The following TMEM255B variants were observed in gnomAD, a reference collection of about 807,000 sequenced individuals.
TMEM255B encodes the protein family with sequence similarity 70, member B.
TMEM255B carries 35 observed loss-of-function variants against 34.5 expected under a neutral mutation model. The ratio of observed to expected loss-of-function variants is 1.01; its 90% CI spans 0.77 to 1.34. The LOEUF is 1.34. Ranked by LOEUF, TMEM255B falls within the 40% of genes most tolerant of loss-of-function variation. TMEM255B has a pLI of 0.00. For synonymous variants in TMEM255B, 206 were observed against 201.2 expected, an observed-to-expected ratio of 1.02 and a Z score of -0.20; for missense variants, 432 against 433.2, an observed-to-expected ratio of 1.00 and a Z score of 0.02.
intron 3 of TMEM255B, among the ~76,000 whole-genome samples, chr13:113,784,507 C>CAGAGAG (rs1003761208): frequency 1.4e-5 from 2 of 146,760 alleles, no homozygotes; most frequent in Non-Finnish European, 3.0e-5. Flanking sequence ...GTGAGGAAGA[C>CAGAGAG]AGAGAGAGAG....
intron 1 of TMEM255B, among the ~76,000 whole-genome samples, chr13:113,761,548 A>G (rs982576425): frequency 6.6e-6 from 1 of 152,164 alleles, no homozygotes; most frequent in Non-Finnish European, 1.5e-5. Context: ...GATAGCAGAG[A>G]GGTAGCTGTT....
intron 2 of TMEM255B, 107 bp from the exon 3 acceptor site, chr13:113,768,991 C>T: frequency 7.8e-7 from 1 of 1,281,698 alleles, no homozygotes; most frequent in Admixed American, 1.9e-5. Context: ...TGGCCTTCGT[C>T]CCTGGATAAA....
intron 1 of TMEM255B, chr13:113,761,359 C>T (rs1566716981): frequency 2.0e-6 from 2 of 985,128 alleles, no homozygotes; most frequent in South Asian, 4.7e-5. Flanking sequence ...TAGGACCTGG[C>T]GTGGGCACAG....
At chr13:113,793,592 G>T (rs1299354966) in intron 3 of TMEM255B, among the ~76,000 whole-genome samples, 9 of 152,182 alleles carry the variant, frequency 5.9e-5, no homozygotes, top group African/African-American at 2.2e-4. Flanking sequence ...CCGGCCCGCT[G>T]CCCCAGCCCT....
At chr13:113,799,809 TC>T in intron 5 of TMEM255B, 1 of 640,422 alleles carries the variant, frequency 1.6e-6, no homozygotes, top group South Asian at 1.5e-5. Context: ...ACCTCATTTC[TC>T]TTTCCAGGTG....
Position 113,795,211 on chromosome 13 carries a change from G to C in TMEM255B, c.316G>C (p.Asp106His). The C allele has an allele frequency of 6.2e-7, 1 of 1,613,884 alleles. No homozygotes were observed. Among genetic ancestry groups the C allele is most frequent in the Non-Finnish European group, 8.5e-7 (1 of 1,179,974 alleles). ...GGCCGCCTTCTGCTGCGCCATCGTG[G>C]ACGGCGTATTTGCAGCACAGCACAT... ...VVAAFCCAIV[D>H]GVFAAQHIEP... Residue 106 changes from aspartate to histidine, a missense_variant, in exon 4 of 9, where the codon GAC (aspartate) becomes CAC (histidine). Transcript: ENST00000375353.
Position 113,770,009 on chromosome 13 carries a change from G to A in TMEM255B, c.252+849G>A, listed in dbSNP as rs1018260828. 2.0e-5 allele frequency among the ~76,000 whole-genome samples: 3 copies of A among 152,180 alleles called. No individual in the cohort carries two copies. Among genetic ancestry groups the A allele is most frequent in the African/African-American group, 4.8e-5 (2 of 41,434 alleles). On this transcript the variant is annotated intron_variant, in intron 3 of 8. Coordinates refer to ENST00000375353, the MANE Select transcript of TMEM255B (RefSeq NM_182614.4). This position sits in a 1 kb window ranked among gnomAD's most constrained non-coding sequence, Gnocchi z 4.6. ...CCTGCCTGTTCCCAGTTCCCAGGCCGAGAGGGAGGGTGAGATGGCTGGGCC... is the reference window on the plus strand; with the variant it reads ...CCTGCCTGTTCCCAGTTCCCAGGCCAAGAGGGAGGGTGAGATGGCTGGGCC...
chr13:113,770,485 C>G lies in TMEM255B; in HGVS notation c.252+1325C>G, dbSNP rs1197064461. 6.6e-6 allele frequency among the ~76,000 whole-genome samples: 1 copy of G among 152,150 alleles called. No homozygotes were observed. Among genetic ancestry groups the G allele is most frequent in the Non-Finnish European group, 1.5e-5 (1 of 68,008 alleles). ...GACCCTTGGGCAGATGGAGCCTGAC[C>G]GTGTGAGGGTGGGAGGTCCCTGGAG... On this transcript the variant is annotated intron_variant, in intron 3 of 8. Coordinates refer to ENST00000375353, the MANE Select transcript of TMEM255B (RefSeq NM_182614.4). The surrounding 1 kb of genome is among the most constrained non-coding windows in gnomAD (Gnocchi z 4.6).
intron 3 of TMEM255B, among the ~76,000 whole-genome samples, chr13:113,775,663 A>C (rs578115049): frequency 6.6e-6 from 1 of 152,348 alleles, no homozygotes; most frequent in Non-Finnish European, 1.5e-5. Flanking sequence ...CCTCACCCAC[A>C]GCGGGGGAAT....
At chr13:113,799,750 T>C (rs1416041578) in intron 5 of TMEM255B, 3 of 697,954 alleles carry the variant, frequency 4.3e-6, no homozygotes, top group East Asian at 5.6e-5. Context: ...ACATTTACAG[T>C]GTCCGAGAAA....
chr13:113,784,368 G>A (rs75287141), intron 3 of TMEM255B, among the ~76,000 whole-genome samples: 1,754 of 152,264 alleles, frequency 0.012, 17 homozygotes, highest in African/African-American at 0.036. Context: ...GGACCAGGAC[G>A]GCAGATCTGA....
intron 3 of TMEM255B, among the ~76,000 whole-genome samples, chr13:113,775,216 CACACACCACACATACTAT>C (rs1311662719): frequency 1.3e-5 from 2 of 151,904 alleles, no homozygotes; most frequent in Admixed American, 6.6e-5. Flanking sequence ...TACAACACCA[CACACACCACACATACTAT>C]ACACACCACA....
At chr13:113,807,321 G>A (rs1188060093) in intron 8 of TMEM255B, among the ~76,000 whole-genome samples, 11 of 150,818 alleles carry the variant, frequency 7.3e-5, no homozygotes, top group African/African-American at 2.4e-4. Context: ...CCTGTCACAC[G>A]CAGGCTTACG....
chr13:113,809,529 G>A (rs1414660651), intron 8 of TMEM255B, among the ~76,000 whole-genome samples: 5 of 85,250 alleles, frequency 5.9e-5, no homozygotes, highest in Admixed American at 1.5e-4. Context: ...TTACTCCATG[G>A]TTCCCGGGGG....
rs569091371 is a variant in TMEM255B, at chr13:113,770,328, A to G, written c.252+1168A>G. Among the ~76,000 whole-genome samples, 1 of 152,244 alleles carries G rather than the reference A, an allele frequency of 6.6e-6. No homozygotes were observed. Among genetic ancestry groups the G allele is most frequent in the East Asian group, 1.9e-4 (1 of 5,168 alleles). Reference sequence around the variant, plus strand: ...ACAGCACAGGAAAGATCTGCCCCCCATGATTCAACTGCCTTCCACCAGGTC... The same window carrying G: ...ACAGCACAGGAAAGATCTGCCCCCCGTGATTCAACTGCCTTCCACCAGGTC... On this transcript the variant is annotated intron_variant, in intron 3 of 8. Transcript: ENST00000375353. This position sits in a 1 kb window ranked among gnomAD's most constrained non-coding sequence, Gnocchi z 4.6.
Position 113,801,731 on chromosome 13 carries a change from C to T in TMEM255B, c.588C>T (p.Leu196=), listed in dbSNP as rs1366757627. The T allele has an allele frequency of 6.2e-7, 1 of 1,613,252 alleles. No individual in the cohort carries two copies. Residue 196 remains leucine, a synonymous_variant, in exon 7 of 9, where the codon CTC becomes CTT. Coordinates refer to ENST00000375353, the MANE Select transcript of TMEM255B (RefSeq NM_182614.4). ...CQDVLHLYRL[L]WASAVLNVLG... is the part of the protein sequence containing the mutation. ...ACGTGCTGCACCTGTACCGCCTGCT[C>T]TGGGCCTCTGCAGTTCTGAACGTCC...
At chr13:113,788,476 CG>C (rs2050777414) in intron 3 of TMEM255B, among the ~76,000 whole-genome samples, 1 of 151,900 alleles carries the variant, frequency 6.6e-6, no homozygotes, top group Non-Finnish European at 1.5e-5. Flanking sequence ...GCACTGCCTG[CG>C]TGGCCTGGCA....
chr13:113,775,091 CCACACACAG>C (rs1238509561), intron 3 of TMEM255B, among the ~76,000 whole-genome samples: 1 of 149,512 alleles, frequency 6.7e-6, no homozygotes, highest in East Asian at 2.0e-4. Flanking sequence ...ACCACATACA[CCACACACAG>C]CACACAACAC....
rs370616066 is a variant in TMEM255B, at chr13:113,775,043, GCA to G, written c.252+5890_252+5891del. 5.8e-5 allele frequency among the ~76,000 whole-genome samples: 4 copies of G among 69,396 alleles called. No individual in the cohort carries two copies. In the South Asian group the frequency reaches 1.7e-3, roughly 29 times the overall value. 45.5% of individuals were successfully genotyped at this position (69,396 alleles called of 152,430 possible). A position where few individuals can be genotyped will look rare whatever the true frequency, so the allele number is the denominator to read the frequency against. On this transcript the variant is annotated intron_variant, in intron 3 of 8. Coordinates refer to ENST00000375353, the MANE Select transcript of TMEM255B (RefSeq NM_182614.4). ...ACACACACCACACATGACACACATT[GCA>G]CACACAACACACCACACACCACACA... is the stretch of plus-strand genomic sequence containing the variant.
Sources: allele counts gnomAD v4.1 joint callset (sites outside exome capture counted in the v4.1 genomes callset), GRCh38; gene constraint gnomAD v4.1.1; non-coding constraint Gnocchi (gnomAD v3.1); transcripts MANE v1.5; gene names NCBI Gene and HGNC (gene_info 2026-07-23, HGNC 2026-07-21).